GRIA1: variants seen among roughly 807,000 people sequenced by gnomAD.
GRIA1 encodes glutamate ionotropic receptor AMPA type subunit 1.
A neutral mutation model predicts 99.2 loss-of-function variants in GRIA1; 31 were observed. The ratio of observed to expected loss-of-function variants is 0.31; its 90% confidence interval spans 0.23 to 0.42. GRIA1 has a LOEUF of 0.42. Ranked by LOEUF, GRIA1 falls within the 10% of genes least tolerant of loss-of-function variation. GRIA1 has a pLI of 1.00. For synonymous variants in GRIA1, 438 were observed against 432.4 expected, an observed-to-expected ratio of 1.01 and a Z score of -0.16; for missense variants, 782 against 1,157.5, an observed-to-expected ratio of 0.68 and a Z score of 4.71.
intron 2 of GRIA1, among the ~76,000 whole-genome samples, chr5:153,614,598 C>T (rs1329212003): frequency 1.3e-5 from 2 of 152,202 alleles, no homozygotes; most frequent in African/African-American, 4.8e-5. Context: ...CCTGAACCCA[C>T]AACCAGGCCA....
At chr5:153,590,451 C>A (rs1763865473) in intron 2 of GRIA1, among the ~76,000 whole-genome samples, 1 of 151,024 alleles carries the variant, frequency 6.6e-6, no homozygotes, top group South Asian at 2.1e-4. Flanking sequence ...CCGCCAGAGT[C>A]CTGTGAGTAT....
chr5:153,568,177 G>A (rs1472734544), intron 2 of GRIA1, among the ~76,000 whole-genome samples: 1 of 152,148 alleles, frequency 6.6e-6, no homozygotes, highest in East Asian at 1.9e-4. Flanking sequence ...CTGTAGGATT[G>A]CAATTGGCCG....
intron 9 of GRIA1, 44 bp from the exon 10 acceptor site, chr5:153,698,823 G>A: frequency 7.7e-7 from 1 of 1,290,382 alleles, no homozygotes; most frequent in Non-Finnish European, 1.1e-6. Flanking sequence ...ACCCATGGGT[G>A]AACCCATAAC....
intron 2 of GRIA1, among the ~76,000 whole-genome samples, chr5:153,639,615 T>G (rs1432024536): frequency 1.3e-5 from 2 of 152,230 alleles, no homozygotes; most frequent in Non-Finnish European, 2.9e-5. Flanking sequence ...CCATTTTATT[T>G]TCTTTGTAAT....
chr5:153,754,598 T>C (rs1762705854), intron 11 of GRIA1, among the ~76,000 whole-genome samples: 1 of 152,204 alleles, frequency 6.6e-6, no homozygotes, highest in Non-Finnish European at 1.5e-5. Context: ...CGCTGGGTTC[T>C]TCAATTTAGG....
At chr5:153,778,783 C>A (rs1445463621) in intron 13 of GRIA1, among the ~76,000 whole-genome samples, 1 of 151,880 alleles carries the variant, frequency 6.6e-6, no homozygotes, top group Non-Finnish European at 1.5e-5. Context: ...CAGCAGAAAG[C>A]TTTCTTTCTG....
At chr5:153,653,677 T>TTA (rs777968300) in intron 4 of GRIA1, among the ~76,000 whole-genome samples, 12 of 152,180 alleles carry the variant, frequency 7.9e-5, no homozygotes, top group Non-Finnish European at 1.8e-4. Context: ...ATTTATCTAT[T>TTA]TATATATTGA....
chr5:153,659,599 A>G (rs1042424837), intron 5 of GRIA1, among the ~76,000 whole-genome samples: 1 of 152,212 alleles, frequency 6.6e-6, no homozygotes, highest in African/African-American at 2.4e-5. Context: ...GTGTTTCTCA[A>G]AACAGAGGAC....
chr5:153,531,353 C>T (rs4958660), intron 2 of GRIA1, among the ~76,000 whole-genome samples: 11 of 151,442 alleles, frequency 7.3e-5, no homozygotes, highest in South Asian at 2.1e-4. Context: ...CAGCCCTCTA[C>T]GGGCCCAGCC....
At chr5:153,608,376 C>A (rs1765639890) in intron 2 of GRIA1, among the ~76,000 whole-genome samples, 1 of 152,116 alleles carries the variant, frequency 6.6e-6, no homozygotes, top group South Asian at 2.1e-4. Flanking sequence ...TATGAAATTT[C>A]ATTTACAATG....
At chr5:153,547,770 C>T (rs1759740584) in intron 2 of GRIA1, among the ~76,000 whole-genome samples, 1 of 152,064 alleles carries the variant, frequency 6.6e-6, no homozygotes, top group African/African-American at 2.4e-5. Flanking sequence ...TGTGGAAGAA[C>T]CTGGAGTAAT....
At chr5:153,596,541 T>C (rs1764447409) in intron 2 of GRIA1, among the ~76,000 whole-genome samples, 1 of 152,158 alleles carries the variant, frequency 6.6e-6, no homozygotes, top group East Asian at 1.9e-4. Flanking sequence ...TTCAGGAGGT[T>C]GCACAGGTAC....
intron 5 of GRIA1, 147 bp from the exon 6 acceptor site, chr5:153,674,353 A>C: frequency 1.2e-6 from 1 of 865,230 alleles, no homozygotes; most frequent in Non-Finnish European, 1.9e-6. Flanking sequence ...GTAATAATCA[A>C]GTTCAAAGGA....
chr5:153,727,922 C>G (rs1760689371), intron 11 of GRIA1, among the ~76,000 whole-genome samples: 1 of 151,490 alleles, frequency 6.6e-6, no homozygotes, highest in Admixed American at 6.6e-5. Flanking sequence ...CCCGCATCGC[C>G]AAGTCAATCC....
chr5:153,519,574 C>T (rs1250028025), intron 2 of GRIA1, among the ~76,000 whole-genome samples: 5 of 152,034 alleles, frequency 3.3e-5, no homozygotes, highest in Admixed American at 6.6e-5. Flanking sequence ...CCCTGCCTGA[C>T]CCTGGCTCCA....
At chr5:153,722,205 G>C (rs1206901824) in intron 11 of GRIA1, among the ~76,000 whole-genome samples, 1 of 152,058 alleles carries the variant, frequency 6.6e-6, no homozygotes, top group Non-Finnish European at 1.5e-5. Flanking sequence ...TCTTCATATA[G>C]CCTTGACATA....
At position 153,686,287 on chromosome 5, in the gene GRIA1, C is replaced by T. The variant is rs778381452; in HGVS notation, c.1092C>T (p.Tyr364=). 23 of 1,613,944 alleles carry T rather than the reference C, an allele frequency of 1.4e-5. No homozygotes were observed. Among genetic ancestry groups the T allele is most frequent in the Non-Finnish European group, 1.9e-5 (22 of 1,179,828 alleles). ...QFNEKGRRTN[Y]TLHVIEMKHD... is the part of the protein sequence containing the mutation. ...ATGAGAAAGGACGCCGGACCAACTA[C>T]ACGCTCCACGTGATTGAAATGAAAC... The change falls in exon 8 of 16, where the codon TAC becomes TAT. Residue 364 remains tyrosine (Y), a synonymous_variant. Transcript: ENST00000285900.
chr5:153,516,645 T>C (rs558491335), intron 2 of GRIA1, among the ~76,000 whole-genome samples: 13 of 152,258 alleles, frequency 8.5e-5, no homozygotes, highest in Admixed American at 7.9e-4. Context: ...TCTGGAATCA[T>C]GTGAGCTGGA....
At chr5:153,782,382 G>C (rs1239923591) in intron 13 of GRIA1, among the ~76,000 whole-genome samples, 1 of 152,190 alleles carries the variant, frequency 6.6e-6, no homozygotes, top group Non-Finnish European at 1.5e-5. Flanking sequence ...ATGAAGACTA[G>C]TGAACAGGGC....
Sources: allele counts gnomAD v4.1 joint callset (sites outside exome capture counted in the v4.1 genomes callset), GRCh38; gene constraint gnomAD v4.1.1; transcripts MANE v1.5; gene names NCBI Gene and HGNC (gene_info 2026-07-23, HGNC 2026-07-21).